SCD5: variants seen among roughly 807,000 people sequenced by gnomAD.
SCD5 encodes stearoyl-CoA desaturase 5.
Under a neutral mutation model 30.4 loss-of-function variants are expected in SCD5, and 20 were observed. That is an observed-to-expected ratio of 0.66 (90% confidence interval 0.46 to 0.96). The LOEUF is 0.96. Ranked by LOEUF, SCD5 falls within the 40% of genes least tolerant of loss-of-function variation. The pLI is 0.00. For synonymous variants in SCD5, 173 were observed against 176.4 expected, an observed-to-expected ratio of 0.98 and a Z score of 0.16; for missense variants, 381 against 443.3, an observed-to-expected ratio of 0.86 and a Z score of 1.26.
intron 1 of SCD5, among the ~76,000 whole-genome samples, chr4:82,708,695 G>A (rs954122573): frequency 3.3e-5 from 5 of 152,162 alleles, no homozygotes; most frequent in African/African-American, 1.2e-4. Flanking sequence ...GATAATGACT[G>A]TAGTGACCCC....
At chr4:82,647,821 C>T (rs1366696100) in intron 3 of SCD5, among the ~76,000 whole-genome samples, 5 of 152,118 alleles carry the variant, frequency 3.3e-5, no homozygotes, top group Non-Finnish European at 4.4e-5. Context: ...GTTCAATTAC[C>T]CGGACTTTTA....
intron 1 of SCD5, among the ~76,000 whole-genome samples, chr4:82,738,083 C>A (rs1244920229): frequency 6.6e-6 from 1 of 152,016 alleles, no homozygotes; most frequent in African/African-American, 2.4e-5. Context: ...AAGCATCACA[C>A]AAAATACTTG....
At chr4:82,757,062 C>A (rs931686402) in intron 1 of SCD5, among the ~76,000 whole-genome samples, 10 of 152,116 alleles carry the variant, frequency 6.6e-5, no homozygotes, top group Admixed American at 6.6e-4. Flanking sequence ...TTCCATGGCA[C>A]CTCACCTTCC....
chr4:82,785,258 C>T (rs1472516710), intron 1 of SCD5, among the ~76,000 whole-genome samples: 1 of 152,204 alleles, frequency 6.6e-6, no homozygotes, highest in Non-Finnish European at 1.5e-5. Flanking sequence ...CTCTGCCCTC[C>T]CCTTATTTGC....
chr4:82,660,813 T>C, intron 3 of SCD5: 1 of 1,609,440 alleles, frequency 6.2e-7, no homozygotes, highest in Non-Finnish European at 8.5e-7. Context: ...GGGTGTGGAG[T>C]CCCCGTCTGT....
At chr4:82,747,017 G>C (rs1178462534) in intron 1 of SCD5, among the ~76,000 whole-genome samples, 4 of 146,738 alleles carry the variant, frequency 2.7e-5, no homozygotes, top group Admixed American at 6.7e-5. Context: ...AATGACACAG[G>C]CACCAAGGGG....
At chr4:82,706,117 T>C (rs1227416534) in intron 1 of SCD5, among the ~76,000 whole-genome samples, 1 of 152,220 alleles carries the variant, frequency 6.6e-6, no homozygotes, top group Non-Finnish European at 1.5e-5. Context: ...CCTTTGTTAT[T>C]GTAATTTAAC....
At chr4:82,741,911 C>G (rs554108749) in intron 1 of SCD5, among the ~76,000 whole-genome samples, 181 of 150,744 alleles carry the variant, frequency 1.2e-3, no homozygotes, top group Non-Finnish European at 1.8e-3. Context: ...TGTTAATGAG[C>G]TGTAGTGTCC....
intron 1 of SCD5, among the ~76,000 whole-genome samples, chr4:82,739,985 A>G (rs969068841): frequency 6.6e-6 from 1 of 152,120 alleles, no homozygotes; most frequent in African/African-American, 2.4e-5. Flanking sequence ...TGTCGGCTCA[A>G]CACCAGCCCA....
intron 2 of SCD5, among the ~76,000 whole-genome samples, chr4:82,681,521 C>T (rs1458645921): frequency 1.3e-5 from 2 of 152,098 alleles, no homozygotes; most frequent in African/African-American, 4.8e-5. Flanking sequence ...TTATCCTTAG[C>T]AAACTAATGC....
At chr4:82,657,110 C>T (rs927518953) in intron 3 of SCD5, among the ~76,000 whole-genome samples, 3 of 152,172 alleles carry the variant, frequency 2.0e-5, no homozygotes, top group Non-Finnish European at 1.5e-5. Flanking sequence ...AATTAGATCC[C>T]ATTTGTCAAT....
chr4:82,746,909 T>G (rs1290416070), intron 1 of SCD5, among the ~76,000 whole-genome samples: 1 of 151,464 alleles, frequency 6.6e-6, no homozygotes, highest in African/African-American at 2.4e-5. Flanking sequence ...CCCCCAATCC[T>G]GTTGCCATAT....
intron 1 of SCD5, among the ~76,000 whole-genome samples, chr4:82,734,574 A>G (rs1384715908): frequency 6.6e-6 from 1 of 152,204 alleles, no homozygotes; most frequent in Admixed American, 6.5e-5. Context: ...TTAACAATAT[A>G]TATTGCAGTC....
chr4:82,748,207 C>T (rs965613853), intron 1 of SCD5, among the ~76,000 whole-genome samples: 1 of 151,898 alleles, frequency 6.6e-6, no homozygotes, highest in African/African-American at 2.4e-5. Context: ...AGAGTCAAAG[C>T]AGGGAAAGGG....
intron 1 of SCD5, among the ~76,000 whole-genome samples, chr4:82,719,714 A>C (rs1238185973): frequency 6.6e-6 from 1 of 150,738 alleles, no homozygotes; most frequent in Non-Finnish European, 1.5e-5. Flanking sequence ...CATGTTGGCC[A>C]GGATGGTCTT....
chr4:82,648,028 T>C (rs571878000), intron 3 of SCD5, among the ~76,000 whole-genome samples: 1 of 152,366 alleles, frequency 6.6e-6, no homozygotes, highest in East Asian at 1.9e-4. Flanking sequence ...TTATGTGCTA[T>C]TATTTTATAA....
chr4:82,684,324 G>C (rs1248068474), intron 2 of SCD5, among the ~76,000 whole-genome samples: 1 of 152,152 alleles, frequency 6.6e-6, no homozygotes, highest in African/African-American at 2.4e-5. Context: ...GCTGAGTCCA[G>C]TGAAAAATGA....
chr4:82,713,011 A>G (rs1720143564), intron 1 of SCD5, among the ~76,000 whole-genome samples: 1 of 152,162 alleles, frequency 6.6e-6, no homozygotes, highest in South Asian at 2.1e-4. Context: ...AACCTTCTAA[A>G]TTCTATTATA....
chr4:82,740,919 C>T (rs1415771617), intron 1 of SCD5, among the ~76,000 whole-genome samples: 1 of 141,966 alleles, frequency 7.0e-6, no homozygotes, highest in Non-Finnish European at 1.5e-5. Context: ...AAGGTGGAGT[C>T]TCTTTTCCCA....
Sources: allele counts gnomAD v4.1 joint callset (sites outside exome capture counted in the v4.1 genomes callset), GRCh38; gene constraint gnomAD v4.1.1; transcripts MANE v1.5; gene names NCBI Gene and HGNC (gene_info 2026-07-23, HGNC 2026-07-21).